PRR16: variants seen among roughly 807,000 people sequenced by gnomAD.
PRR16 encodes the protein protein Largen.
A neutral mutation model predicts 18.2 loss-of-function variants in PRR16; 6 were observed. The observed-to-expected ratio is 0.33, with a 90% CI of 0.18 to 0.65. The LOEUF is 0.65. PRR16 is among the 30% of genes least tolerant of loss of function. The pLI is 0.74. For synonymous variants in PRR16, 151 were observed against 147.8 expected (o/e 1.02, Z -0.16); for missense variants, 412 against 376.6 (o/e 1.09, Z -0.78).
At chr5:120,623,850 T>TA (rs1273780983) in intron 1 of PRR16, among the ~76,000 whole-genome samples, 1 of 152,012 alleles carries the variant, frequency 6.6e-6, no homozygotes, top group Non-Finnish European at 1.5e-5. Flanking sequence ...TCAGTGCCTT[T>TA]AAAATGTGAA....
chr5:120,784,758 A>G, the PRR16 span, among the ~76,000 whole-genome samples: 25 of 152,154 alleles, frequency 1.6e-4, no homozygotes, highest in Non-Finnish European at 3.5e-4. Flanking sequence ...TCAACTCTCT[A>G]TTATAGCACG....
chr5:120,472,021 G>A (rs1266591034), intron 1 of PRR16, among the ~76,000 whole-genome samples: 10 of 152,036 alleles, frequency 6.6e-5, no homozygotes, highest in African/African-American at 2.4e-4. Flanking sequence ...AACACTGTTA[G>A]GACTGAATTT....
Position 120,464,473 on chromosome 5 carries a change from C to T in PRR16, c.-14C>T. The T allele has an allele frequency of 5.7e-6, 9 of 1,580,742 alleles. No homozygotes were observed. Among genetic ancestry groups the T allele is most frequent in the Non-Finnish European group, 6.8e-6 (8 of 1,171,724 alleles). On this transcript the variant is annotated 5_prime_UTR_variant, in exon 1 of 2. Transcript: ENST00000407149. ...CGCCCGCCTGTCCTGACCTGCCTCG[C>T]TTGCCCCCAAAGAATGTCAGCCAAG...
chr5:120,745,569 AAAT>A, the PRR16 span, among the ~76,000 whole-genome samples: 1 of 152,130 alleles, frequency 6.6e-6, no homozygotes. Context: ...CAACAACAAC[AAAT>A]ACTGTCTTTC....
At chr5:120,677,905 C>CTTTTTTTTTTTTTTTTT (rs386404833) in intron 1 of PRR16, among the ~76,000 whole-genome samples, 49 of 93,212 alleles carry the variant, frequency 5.3e-4, no homozygotes, top group African/African-American at 6.2e-4. Flanking sequence ...CTTTTTCTTT[C>CTTTTTTTTTTTTTTTTT]TTTTTTTTTT....
chr5:120,482,427 G>A (rs528695281), intron 1 of PRR16, among the ~76,000 whole-genome samples: 2 of 152,150 alleles, frequency 1.3e-5, no homozygotes, highest in East Asian at 1.9e-4. Context: ...TATGGCCTCC[G>A]GCTGCATCCA....
intron 1 of PRR16, among the ~76,000 whole-genome samples, chr5:120,509,173 T>C (rs1159261393): frequency 2.6e-5 from 4 of 152,110 alleles, no homozygotes; most frequent in Non-Finnish European, 4.4e-5. Flanking sequence ...TGTACACATG[T>C]GTTTTGTGTT....
the PRR16 span, among the ~76,000 whole-genome samples, chr5:120,755,576 G>A: frequency 1.3e-5 from 2 of 151,994 alleles, no homozygotes; most frequent in South Asian, 4.1e-4. Flanking sequence ...CCATTTTTAT[G>A]GCTGCATAGT....
chr5:120,714,432 CAAT>C, the PRR16 span, among the ~76,000 whole-genome samples: 1 of 152,062 alleles, frequency 6.6e-6, no homozygotes, highest in African/African-American at 2.4e-5. Context: ...ATCAAAACCA[CAAT>C]GAGATACCAT....
the PRR16 span, among the ~76,000 whole-genome samples, chr5:120,794,004 T>G: frequency 2.0e-5 from 3 of 152,166 alleles, no homozygotes; most frequent in Non-Finnish European, 2.9e-5. Flanking sequence ...ACGTGGTTCC[T>G]TGTTAATAGA....
chr5:120,754,718 A>T, the PRR16 span, among the ~76,000 whole-genome samples: 7 of 145,002 alleles, frequency 4.8e-5, no homozygotes, highest in African/African-American at 1.8e-4. Flanking sequence ...ACATAAGCAA[A>T]ATTGTAAAAA....
the PRR16 span, among the ~76,000 whole-genome samples, chr5:120,785,836 T>C: frequency 6.6e-6 from 1 of 151,878 alleles, no homozygotes; most frequent in Non-Finnish European, 1.5e-5. Context: ...CCCAAAGTGC[T>C]GGGATTACAG....
At chr5:120,667,090 G>A (rs1756407314) in intron 1 of PRR16, among the ~76,000 whole-genome samples, 1 of 151,978 alleles carries the variant, frequency 6.6e-6, no homozygotes, top group African/African-American at 2.4e-5. Context: ...ATCTGGTCCT[G>A]GACTCCTTTT....
intron 1 of PRR16, among the ~76,000 whole-genome samples, chr5:120,479,800 A>G (rs1749552141): frequency 6.6e-6 from 1 of 152,052 alleles, no homozygotes; most frequent in African/African-American, 2.4e-5. Context: ...AATTTGTTTG[A>G]TGCCCCATAG....
intron 1 of PRR16, among the ~76,000 whole-genome samples, chr5:120,588,939 T>C (rs962653856): frequency 6.6e-6 from 1 of 152,084 alleles, no homozygotes; most frequent in African/African-American, 2.4e-5. Flanking sequence ...TTTTTTATAC[T>C]AAAGCCCAGT....
At chr5:120,602,251 G>A (rs1754008473) in intron 1 of PRR16, among the ~76,000 whole-genome samples, 1 of 151,662 alleles carries the variant, frequency 6.6e-6, no homozygotes, top group Non-Finnish European at 1.5e-5. Context: ...CTAGTGTTGT[G>A]CAATTCTTGT....
intron 1 of PRR16, among the ~76,000 whole-genome samples, chr5:120,513,801 C>T (rs1159467868): frequency 2.0e-5 from 3 of 151,672 alleles, no homozygotes; most frequent in Admixed American, 6.6e-5. Flanking sequence ...CCCTGTCGCC[C>T]AGGCTGGAGT....
the PRR16 span, among the ~76,000 whole-genome samples, chr5:120,786,533 ATATT>A: frequency 7.2e-6 from 1 of 139,488 alleles, no homozygotes; most frequent in African/African-American, 3.0e-5. Context: ...TATATTATAT[ATATT>A]ATTTTAAATT....
intron 1 of PRR16, among the ~76,000 whole-genome samples, chr5:120,625,370 C>A (rs1754830177): frequency 6.6e-6 from 1 of 152,074 alleles, no homozygotes; most frequent in South Asian, 2.1e-4. Context: ...TGCTGTGTTG[C>A]CCAGGCTGGA....
Sources: allele counts gnomAD v4.1 joint callset (sites outside exome capture counted in the v4.1 genomes callset), GRCh38; gene constraint gnomAD v4.1.1; transcripts MANE v1.5; gene names NCBI Gene and HGNC (gene_info 2026-07-23, HGNC 2026-07-21).